Variants in SNX18 observed in about 807,000 individuals in gnomAD.
The protein encoded by SNX18 is sorting nexin-18.
A neutral mutation model predicts 48.7 loss-of-function variants in SNX18; 35 were observed. That is an observed-to-expected ratio of 0.72 (90% CI 0.55 to 0.95). SNX18 has a LOEUF of 0.95. Ranked by LOEUF, SNX18 falls within the 40% of genes least tolerant of loss-of-function variation. The pLI is 0.00. For missense variants in SNX18, 824 were observed against 871.0 expected, an observed-to-expected ratio of 0.95 and a Z score of 0.68; for synonymous variants, 492 against 384.7, an observed-to-expected ratio of 1.28 and a Z score of -3.26.
intron 1 of SNX18, among the ~76,000 whole-genome samples, chr5:54,528,259 G>T (rs112157030): frequency 7.3e-6 from 1 of 136,290 alleles, no homozygotes; most frequent in Admixed American, 7.3e-5. Context: ...CATTCACCTT[G>T]TTGCTTGACT....
the SNX18 span, among the ~76,000 whole-genome samples, chr5:54,620,036 T>C: frequency 6.6e-6 from 1 of 152,206 alleles, no homozygotes; most frequent in Non-Finnish European, 1.5e-5. Flanking sequence ...CAAGCTTAAC[T>C]TTCTCTGGCA....
At chr5:54,539,803 G>GA (rs11396256) in intron 1 of SNX18, among the ~76,000 whole-genome samples, 108,196 of 151,672 alleles carry the variant, frequency 0.71, 38,770 homozygotes, top group Middle Eastern at 0.75. Context: ...TCATACTTGG[G>GA]AAAAAATGAG....
chr5:54,541,727 A>G (rs896004896), intron 1 of SNX18, among the ~76,000 whole-genome samples: 2 of 152,202 alleles, frequency 1.3e-5, no homozygotes, highest in African/African-American at 4.8e-5. Flanking sequence ...AAATGTGTAC[A>G]TATGTGCACA....
At chr5:54,639,112 TG>T in the SNX18 span, among the ~76,000 whole-genome samples, 17 of 152,386 alleles carry the variant, frequency 1.1e-4, no homozygotes, top group African/African-American at 3.6e-4. Context: ...TTTAATGTTC[TG>T]CCATGAGTTT....
At chr5:54,642,450 G>T in the SNX18 span, among the ~76,000 whole-genome samples, 1 of 151,934 alleles carries the variant, frequency 6.6e-6, no homozygotes, top group Admixed American at 6.6e-5. Context: ...AATTTTGTGG[G>T]ATTAGGGACA....
chr5:54,578,064 G>A, the SNX18 span, among the ~76,000 whole-genome samples: 1 of 152,176 alleles, frequency 6.6e-6, no homozygotes, highest in Non-Finnish European at 1.5e-5. Flanking sequence ...TTCAAGGTGG[G>A]GGGCTTGTCC....
At chr5:54,647,684 A>G in the SNX18 span, among the ~76,000 whole-genome samples, 1 of 152,178 alleles carries the variant, frequency 6.6e-6, no homozygotes, top group Non-Finnish European at 1.5e-5. Flanking sequence ...TTCCCAGAAA[A>G]TGAGTGATAT....
chr5:54,622,548 A>G, the SNX18 span, among the ~76,000 whole-genome samples: 1 of 150,676 alleles, frequency 6.6e-6, no homozygotes, highest in Non-Finnish European at 1.5e-5. Context: ...TGACCACTGT[A>G]GGGCTCTGCA....
At chr5:54,567,420 C>T in the SNX18 span, among the ~76,000 whole-genome samples, 1 of 152,092 alleles carries the variant, frequency 6.6e-6, no homozygotes, top group Non-Finnish European at 1.5e-5. Flanking sequence ...GGACCTGCTG[C>T]ACCCAAGATG....
chr5:54,632,879 A>G, the SNX18 span, among the ~76,000 whole-genome samples: 1 of 151,914 alleles, frequency 6.6e-6, no homozygotes, highest in Admixed American at 6.6e-5. Context: ...GGTTCAAGTG[A>G]TTCTCCTGCC....
the SNX18 span, among the ~76,000 whole-genome samples, chr5:54,621,393 G>C: frequency 6.6e-6 from 1 of 152,216 alleles, no homozygotes; most frequent in Non-Finnish European, 1.5e-5. Flanking sequence ...CCTGACCAGG[G>C]ATAAAGGGCA....
chr5:54,597,848 C>T, the SNX18 span, among the ~76,000 whole-genome samples: 58 of 152,132 alleles, frequency 3.8e-4, no homozygotes, highest in South Asian at 3.3e-3. Flanking sequence ...AAAAAGCAGA[C>T]AAACCCCAAA....
chr5:54,635,382 T>C, the SNX18 span, among the ~76,000 whole-genome samples: 2 of 152,094 alleles, frequency 1.3e-5, no homozygotes, highest in Non-Finnish European at 1.5e-5. Flanking sequence ...ATAAAAACCA[T>C]AGAAAAGCCA....
chr5:54,526,040 G>A (rs747241696), intron 1 of SNX18, among the ~76,000 whole-genome samples: 2 of 152,164 alleles, frequency 1.3e-5, no homozygotes, highest in Non-Finnish European at 2.9e-5. Flanking sequence ...TTCTGAAGCT[G>A]TGGTATGGTA....
intron 1 of SNX18, 105 bp from the exon 2 acceptor site, chr5:54,543,073 GT>G (rs758569506): frequency 2.7e-6 from 3 of 1,101,418 alleles, no homozygotes; most frequent in Non-Finnish European, 3.8e-6. Flanking sequence ...ATTGAAAATA[GT>G]TTGGGCAACT....
At position 54,543,466 on chromosome 5, in the gene SNX18, C is replaced by A. The variant is rs139498361; in HGVS notation, c.*34C>A. On this transcript the variant is annotated 3_prime_UTR_variant, in exon 2 of 2. Coordinates refer to ENST00000381410, the MANE Select transcript of SNX18 (RefSeq NM_001102575.2). ...CGTTGGATTATGGACTTTTTCAGTT[C>A]AAGGATAATTTCTACAGCAGAATAA... 2 of 1,600,520 alleles carry A rather than the reference C, an allele frequency of 1.2e-6. No individual in the cohort carries two copies. Among genetic ancestry groups the A allele is most frequent in the Non-Finnish European group, 1.7e-6 (2 of 1,172,516 alleles).
the SNX18 span, among the ~76,000 whole-genome samples, chr5:54,556,615 A>G: frequency 6.6e-6 from 1 of 152,226 alleles, no homozygotes; most frequent in South Asian, 2.1e-4. Flanking sequence ...AACATAGCCT[A>G]TTCACAGATT....
chr5:54,574,166 T>G, the SNX18 span, among the ~76,000 whole-genome samples: 1 of 152,242 alleles, frequency 6.6e-6, no homozygotes, highest in Admixed American at 6.5e-5. Context: ...GCTTGACTAC[T>G]TGCACACCTG....
the SNX18 span, among the ~76,000 whole-genome samples, chr5:54,638,107 C>A: frequency 1.5e-3 from 231 of 152,314 alleles, no homozygotes; most frequent in Non-Finnish European, 2.4e-3. Flanking sequence ...TTTTGGAATT[C>A]ATTCCCCATT....
Sources: gnomAD v4.1 joint callset for allele counts (sites outside exome capture counted in the v4.1 genomes callset) on GRCh38, gnomAD v4.1.1 for gene constraint, MANE v1.5 for transcripts, NCBI Gene and HGNC (gene_info 2026-07-23, HGNC 2026-07-21) for gene names.